MS4A8: variants seen among roughly 807,000 people sequenced by gnomAD.
The protein encoded by MS4A8 is membrane-spanning 4-domains subfamily A member 8.
A neutral mutation model predicts 23.7 loss-of-function variants in MS4A8; 27 were observed. The ratio of observed to expected loss-of-function variants is 1.14; its 90% CI spans 0.84 to 1.57. The LOEUF is 1.57. Among genes scored for constraint, MS4A8 ranks in the 40% most tolerant of loss-of-function variants. MS4A8 has a pLI of 0.00. For synonymous variants in MS4A8, 138 were observed against 126.3 expected (o/e 1.09, Z -0.62); for missense variants, 301 against 311.4 (o/e 0.97, Z 0.25).
intron 2 of MS4A8, 177 bp downstream of exon 2, chr11:60,701,256 T>G (rs2088201744): frequency 2.8e-6 from 2 of 710,370 alleles, no homozygotes; most frequent in South Asian, 3.0e-5. Flanking sequence ...AGGCGGCCTC[T>G]GCTCAGACCT....
chr11:60,700,571 A>G (rs991598353), intron 1 of MS4A8, among the ~76,000 whole-genome samples: 1 of 151,998 alleles, frequency 6.6e-6, no homozygotes, highest in East Asian at 1.9e-4. Context: ...AATAAACACT[A>G]TGAGAGACAC....
chr11:60,705,272 C>T (rs775568534), intron 3 of MS4A8, among the ~76,000 whole-genome samples: 3 of 152,220 alleles, frequency 2.0e-5, no homozygotes. Flanking sequence ...GCTAGCATCA[C>T]GGCCACCCAG....
intron 4 of MS4A8, among the ~76,000 whole-genome samples, chr11:60,707,673 A>G (rs1308551598): frequency 1.3e-5 from 2 of 152,200 alleles, no homozygotes; most frequent in Admixed American, 6.5e-5. Context: ...GTGGAAGCGT[A>G]TCTTTCTGCA....
In MS4A8 at chr11:60,703,500, G is replaced by A. The variant is rs1295255155; in HGVS notation, c.342G>A (p.Trp114Ter). 2 of 1,607,088 alleles carry A rather than the reference G, an allele frequency of 1.2e-6. No individual in the cohort carries two copies. The highest frequency in any genetic ancestry group is 2.3e-5 in the East Asian group (1 of 44,122). Residue 114 changes from tryptophan to a stop codon, truncating the protein, a stop_gained and splice_region_variant, in exon 3 of 7, where the codon TGG becomes TGA. Transcript: ENST00000300226. LOFTEE classifies it high-confidence loss of function. ...YGGFPFWGGLWFIISGSLSVA... is the reference protein window; with the variant it reads ...YGGFPFWGGL The stretch of plus-strand genomic sequence containing the variant: ...GCTTTCCCTTCTGGGGAGGCTTGTG[G>A]GTGAGTAACTCAAGTCCTCCTGCCG...
intron 5 of MS4A8, among the ~76,000 whole-genome samples, chr11:60,713,865 CTTGAGATTAGGGAGTGGT>C (rs572774595): frequency 6.1e-4 from 89 of 145,504 alleles, no homozygotes; most frequent in Non-Finnish European, 9.0e-4. Context: ...TCTCTGGGTA[CTTGAGATTAGGGAGTGGT>C]TTGAGATTAG....
chr11:60,705,780 G>A (rs922713549), intron 3 of MS4A8, among the ~76,000 whole-genome samples: 5 of 152,196 alleles, frequency 3.3e-5, no homozygotes, highest in Admixed American at 6.5e-5. Context: ...GTGAGGGTTA[G>A]GAACATGGAG....
In MS4A8 at chr11:60,715,125, A is replaced by G. The variant is rs748254399; in HGVS notation, c.639A>G (p.Gln213=). The change falls in exon 6 of 7, where the codon CAA becomes CAG. Residue 213 remains glutamine, a synonymous_variant. Coordinates refer to ENST00000300226, the MANE Select transcript of MS4A8 (RefSeq NM_031457.2). ...SHFGCQLVCC[Q]SSNVSVIYPN... is the part of the protein sequence containing the mutation. ...TTGGCTGCCAGTTGGTCTGCTGTCA[A>G]TCAAGCAATGTGAGTCCCAGGGTTC... The G allele has an allele frequency of 2.5e-6, 4 of 1,613,152 alleles. No individual in the cohort carries two copies. In the South Asian group the frequency reaches 3.3e-5, roughly 13 times the overall value.
chr11:60,702,749 TC>T (rs1301800828), intron 2 of MS4A8, among the ~76,000 whole-genome samples: 1 of 152,178 alleles, frequency 6.6e-6, no homozygotes, highest in East Asian at 1.9e-4. Context: ...GGAGACCCAC[TC>T]TACTCCAGTG....
chr11:60,700,205 G>C (rs1410882258), intron 1 of MS4A8, among the ~76,000 whole-genome samples: 2 of 152,206 alleles, frequency 1.3e-5, no homozygotes, highest in African/African-American at 2.4e-5. Context: ...TTCTAGTTCT[G>C]AACTTTTGCT....
intron 3 of MS4A8, among the ~76,000 whole-genome samples, chr11:60,704,869 C>T (rs1226823337): frequency 6.8e-6 from 1 of 146,240 alleles, no homozygotes; most frequent in Non-Finnish European, 1.5e-5. Flanking sequence ...AACACACATA[C>T]ACACACACAC....
intron 3 of MS4A8, among the ~76,000 whole-genome samples, chr11:60,705,148 C>A (rs1461347772): frequency 1.3e-5 from 2 of 152,214 alleles, no homozygotes; most frequent in Non-Finnish European, 2.9e-5. Flanking sequence ...GCTCCTCTAG[C>A]GAGGCTCTGC....
chr11:60,700,626 C>T (rs79569011), intron 1 of MS4A8, among the ~76,000 whole-genome samples: 2,125 of 152,234 alleles, frequency 0.014, 117 homozygotes, highest in Admixed American at 0.1. Context: ...AGCCTTTAGC[C>T]TCTTTGAGTC....
In MS4A8 at chr11:60,699,711, A is replaced by C. The variant is rs1254818440; in HGVS notation, c.-66A>C. 5 of 152,374 alleles carry C rather than the reference A, an allele frequency of 3.3e-5. No homozygotes were observed. The highest frequency in any genetic ancestry group is 9.7e-5 in the African/African-American group (4 of 41,446). 9.4% of individuals were successfully genotyped at this position (152,374 alleles called of 1,614,324 possible). A position where few individuals can be genotyped will look rare whatever the true frequency, so the allele number is the denominator to read the frequency against. On this transcript the variant is annotated 5_prime_UTR_variant, in exon 1 of 7. Coordinates refer to ENST00000300226, the MANE Select transcript of MS4A8 (RefSeq NM_031457.2). ...GTACATTCATTCTCTCAGGAAAAAA[A>C]ACAAGGTCCCCACAGCAAAGAAAAG...
chr11:60,714,783 C>T (rs1365394869), intron 5 of MS4A8, among the ~76,000 whole-genome samples: 1 of 152,166 alleles, frequency 6.6e-6, no homozygotes, highest in Non-Finnish European at 1.5e-5. Flanking sequence ...AGGGGCTTCC[C>T]TAAACATGGT....
At chr11:60,703,647 G>C (rs532178143) in intron 3 of MS4A8, 147 bp downstream of exon 3, 3 of 888,680 alleles carry the variant, frequency 3.4e-6, no homozygotes, top group Non-Finnish European at 5.1e-6. Context: ...CCCTGGCCTC[G>C]TTCCGCAAGC....
chr11:60,700,521 G>A (rs2088193573), intron 1 of MS4A8, among the ~76,000 whole-genome samples: 1 of 152,102 alleles, frequency 6.6e-6, no homozygotes, highest in Admixed American at 6.6e-5. Flanking sequence ...ACTCCAGCCT[G>A]GGTGACAGAG....
intron 1 of MS4A8, 143 bp from the exon 2 acceptor site, chr11:60,700,717 A>G (rs991107698): frequency 1.3e-4 from 98 of 773,884 alleles, no homozygotes; most frequent in Non-Finnish European, 1.9e-4. Flanking sequence ...AGTGCCCTAT[A>G]ACTGATATCT....
At chr11:60,712,317 G>A (rs2088306881) in intron 5 of MS4A8, 2 of 985,078 alleles carry the variant, frequency 2.0e-6, no homozygotes, top group Non-Finnish European at 1.2e-6. Flanking sequence ...ATCTGCATCT[G>A]TTTTCCTACT....
intron 3 of MS4A8, among the ~76,000 whole-genome samples, chr11:60,704,513 C>T (rs1039230632): frequency 1.3e-5 from 2 of 152,176 alleles, no homozygotes; most frequent in African/African-American, 4.8e-5. Context: ...CATAGGCCCA[C>T]AAGCCTGAGC....
Sources: gnomAD v4.1 joint callset for allele counts (sites outside exome capture counted in the v4.1 genomes callset) on GRCh38, gnomAD v4.1.1 for gene constraint, MANE v1.5 for transcripts, NCBI Gene and HGNC (gene_info 2026-07-23, HGNC 2026-07-21) for gene names.